The following NSA2 variants were observed in gnomAD, a reference collection of about 807,000 sequenced individuals.
NSA2 encodes the protein NSA2 ribosome biogenesis factor.
Under a neutral mutation model 34.8 loss-of-function variants are expected in NSA2, and 18 were observed. The ratio of observed to expected loss-of-function variants is 0.52; its 90% CI spans 0.36 to 0.77. The LOEUF is 0.77. NSA2 is among the 30% of genes least tolerant of loss of function. The pLI is 0.00. For missense variants in NSA2, 188 were observed against 314.7 expected, an observed-to-expected ratio of 0.60 and a Z score of 3.05; for synonymous variants, 79 against 100.2, an observed-to-expected ratio of 0.79 and a Z score of 1.26.
chr5:74,770,499 G>T, intron 3 of NSA2, 132 bp from the exon 4 acceptor site: 1 of 650,410 alleles, frequency 1.5e-6, no homozygotes, highest in Non-Finnish European at 2.6e-6. Flanking sequence ...TCTAGAAGAC[G>T]GTTGAGCCAA....
Position 74,779,145 on chromosome 5 carries a change from T to G in NSA2, c.*2474T>G, listed in dbSNP as rs1745280934. 1.3e-5 allele frequency: 2 copies of G among 152,110 alleles called. No individual in the cohort carries two copies. The highest frequency in any genetic ancestry group is 2.4e-5 in the African/African-American group (1 of 41,440). The allele number at this position is 152,110 out of a possible 1,614,324, so 9.4% of individuals were successfully genotyped here. A position where few individuals can be genotyped will look rare whatever the true frequency, so the allele number is the denominator to read the frequency against. On this transcript the variant is annotated 3_prime_UTR_variant, in exon 6 of 6. Coordinates refer to ENST00000610426, the MANE Select transcript of NSA2 (RefSeq NM_014886.6). ...AAATTGTTTACAATTCACTTACTAT[T>G]TAACCCAAACAAGTTTAACAAGAAT...
chr5:74,767,483 A>T, intron 1 of NSA2, 120 bp downstream of exon 1: 1 of 1,246,406 alleles, frequency 8.0e-7, no homozygotes, highest in Non-Finnish European at 1.2e-6. Context: ...CTGCCAAGAG[A>T]AAAGGATGGT....
chr5:74,777,685 T>C lies in NSA2; in HGVS notation c.*1014T>C, dbSNP rs926462904. On this transcript the variant is annotated 3_prime_UTR_variant, in exon 6 of 6. Coordinates refer to ENST00000610426, the MANE Select transcript of NSA2 (RefSeq NM_014886.6). ...TCAATGTCTAAACAAATTCAGTATC[T>C]GAAACATCTTCATGAGGAAAACTGA... 1.3e-5 allele frequency: 2 copies of C among 151,936 alleles called. No homozygotes were observed. Among genetic ancestry groups the C allele is most frequent in the African/African-American group, 4.8e-5 (2 of 41,406 alleles). 9.4% of individuals were successfully genotyped at this position (151,936 alleles called of 1,614,324 possible).
chr5:74,776,226 G>A (rs557546319), intron 5 of NSA2, among the ~76,000 whole-genome samples: 29 of 152,282 alleles, frequency 1.9e-4, no homozygotes, highest in African/African-American at 6.5e-4. Context: ...ATGGCTGGGC[G>A]CAGTGGCTCA....
chr5:74,772,840 T>G (rs989817115), intron 4 of NSA2, among the ~76,000 whole-genome samples: 8 of 151,710 alleles, frequency 5.3e-5, no homozygotes, highest in African/African-American at 1.9e-4. Flanking sequence ...AGAAACTGAT[T>G]TAGTGATTTT....
intron 5 of NSA2, among the ~76,000 whole-genome samples, chr5:74,774,618 T>A (rs1261054957): frequency 6.6e-6 from 1 of 152,074 alleles, no homozygotes; most frequent in Admixed American, 6.6e-5. Context: ...AAAATTTTTT[T>A]AACCTTTTTA....
intron 4 of NSA2, chr5:74,771,667 G>C (rs1454098337): frequency 6.6e-6 from 1 of 151,560 alleles, no homozygotes; most frequent in East Asian, 2.0e-4. Flanking sequence ...CTAACACTGT[G>C]AAACCCCATC....
At chr5:74,767,482 G>A (rs1744720124) in intron 1 of NSA2, 119 bp downstream of exon 1, 1 of 1,247,104 alleles carries the variant, frequency 8.0e-7, no homozygotes, top group Non-Finnish European at 1.2e-6. Flanking sequence ...ACTGCCAAGA[G>A]AAAAGGATGG....
At chr5:74,773,276 A>ACTTTACT (rs2112421200) in intron 4 of NSA2, among the ~76,000 whole-genome samples, 2 of 151,958 alleles carry the variant, frequency 1.3e-5, no homozygotes, top group South Asian at 4.2e-4. Flanking sequence ...AGTAAGTCTA[A>ACTTTACT]GTGTAGATGA....
intron 4 of NSA2, among the ~76,000 whole-genome samples, chr5:74,772,499 G>A (rs112001977): frequency 6.6e-6 from 1 of 152,162 alleles, no homozygotes; most frequent in African/African-American, 2.4e-5. Context: ...ACACAGTCAT[G>A]CCTGTTCATT....
chr5:74,767,404 G>A, intron 1 of NSA2, 41 bp downstream of exon 1: 1 of 1,610,870 alleles, frequency 6.2e-7, no homozygotes, highest in Non-Finnish European at 8.5e-7. Context: ...CACAGCGTCT[G>A]AGTTAGTGGG....
intron 4 of NSA2, among the ~76,000 whole-genome samples, chr5:74,772,908 G>A (rs939107817): frequency 1.3e-5 from 2 of 152,110 alleles, no homozygotes; most frequent in Non-Finnish European, 2.9e-5. Flanking sequence ...GACGTTTAAA[G>A]TACTACACCC....
rs1228115550 is a variant in NSA2 at position 74,773,859 on chromosome 5, A to T, written c.523-9A>T. Reference sequence around the variant, plus strand: ...CGTAAACATTCTTATGTTGTGTTTGACTTACTAGGGCTTGCGTTTCAAGAA... The same window carrying T: ...CGTAAACATTCTTATGTTGTGTTTGTCTTACTAGGGCTTGCGTTTCAAGAA... On this transcript the variant is annotated splice_polypyrimidine_tract_variant and intron_variant, in intron 4 of 5. Transcript: ENST00000610426. 5 of 1,606,576 alleles carry T rather than the reference A, an allele frequency of 3.1e-6. No individual in the cohort carries two copies. Among genetic ancestry groups the T allele is most frequent in the Non-Finnish European group, 4.3e-6 (5 of 1,176,160 alleles).
In NSA2 at chr5:74,769,102, A is replaced by C; in HGVS notation, c.175A>C (p.Ile59Leu). The C allele has an allele frequency of 1.9e-6, 3 of 1,603,524 alleles. No individual in the cohort carries two copies. The highest frequency in any genetic ancestry group is 2.5e-6 in the Non-Finnish European group (3 of 1,177,534). Residue 59 changes from isoleucine (I) to leucine (L), a missense_variant, in exon 2 of 6, where the codon ATA (isoleucine) becomes CTA (leucine). Physicochemically the swap from Ile to Leu is conservative, Grantham distance 5. Transcript: ENST00000610426. ...CCATAAACAGCGTCATGCTGAGAAA[A>C]TACAAATGAAAAAGACGTAAGTGGT... ...LYHKQRHAEK[I>L]QMKKTIKMHE...
chr5:74,777,147 A>ATCT lies in NSA2; in HGVS notation c.*478_*480dup, dbSNP rs1171676187. The ATCT allele has an allele frequency of 3.3e-5, 5 of 152,488 alleles. No homozygotes were observed. The highest frequency in any genetic ancestry group is 7.2e-5 in the African/African-American group (3 of 41,460). The allele number at this position is 152,488 out of a possible 1,614,324, so 9.4% of individuals were successfully genotyped here. The stretch of plus-strand genomic sequence containing the variant: ...GTGAGAAGACACTAAAAGTTCAGAA[A>ATCT]TCTTAGAGAAATCTTTTCACCTGTG... On this transcript the variant is annotated 3_prime_UTR_variant, in exon 6 of 6. Coordinates refer to ENST00000610426, the MANE Select transcript of NSA2 (RefSeq NM_014886.6).
chr5:74,771,377 A>G (rs1301477533), intron 4 of NSA2: 2 of 152,186 alleles, frequency 1.3e-5, no homozygotes, highest in African/African-American at 4.8e-5. Context: ...ATGACATATT[A>G]GAATCTTCAT....
In NSA2 at chr5:74,777,323, T is replaced by C. The variant is rs1362915512; in HGVS notation, c.*652T>C. ...CTAAAGTCTTTGTACTCTCTTAGCA[T>C]TTTCTGTATTCTAAACAATATATTT... On this transcript the variant is annotated 3_prime_UTR_variant, in exon 6 of 6. Transcript: ENST00000610426. 5 of 152,180 alleles carry C rather than the reference T, an allele frequency of 3.3e-5. No individual in the cohort carries two copies. The highest frequency in any genetic ancestry group is 7.4e-5 in the Non-Finnish European group (5 of 67,996). The allele number at this position is 152,180 out of a possible 1,614,324, so 9.4% of individuals were successfully genotyped here.
rs762574471 is a variant in NSA2 at position 74,769,130 on chromosome 5, C to T, written c.191+12C>T. 1 of 1,598,856 alleles carries T rather than the reference C, an allele frequency of 6.3e-7. No homozygotes were observed. The highest frequency in any genetic ancestry group is 1.1e-5 in the South Asian group (1 of 87,836). ...CAAATGAAAAAGACGTAAGTGGTCTCATTTATTTGTCATAACAAGTTAACA... is the reference window on the plus strand; with the variant it reads ...CAAATGAAAAAGACGTAAGTGGTCTTATTTATTTGTCATAACAAGTTAACA... On this transcript the variant is annotated intron_variant, in intron 2 of 5. Coordinates refer to ENST00000610426, the MANE Select transcript of NSA2 (RefSeq NM_014886.6).
chr5:74,775,703 T>TA (rs200893543), intron 5 of NSA2, among the ~76,000 whole-genome samples: 3,189 of 148,718 alleles, frequency 0.021, 105 homozygotes, highest in African/African-American at 0.073. Context: ...AAAAAAATTG[T>TA]AAAAAAAAAA....
Sources: gnomAD v4.1 joint callset for allele counts (sites outside exome capture counted in the v4.1 genomes callset) on GRCh38, gnomAD v4.1.1 for gene constraint, MANE v1.5 for transcripts, NCBI Gene and HGNC (gene_info 2026-07-23, HGNC 2026-07-21) for gene names.